The following PLS1 variants were observed in gnomAD, a reference collection of about 807,000 sequenced individuals.
PLS1 encodes the protein plastin-1.
PLS1 carries 32 observed loss-of-function variants against 73.7 expected under a neutral mutation model. The ratio of observed to expected loss-of-function variants is 0.43; its 90% CI spans 0.33 to 0.58. PLS1 has a LOEUF of 0.58. Ranked by LOEUF, PLS1 falls within the 20% of genes least tolerant of loss-of-function variation. PLS1 has a pLI of 0.04. For missense variants in PLS1, 633 were observed against 740.5 expected, an observed-to-expected ratio of 0.85 and a Z score of 1.68; for synonymous variants, 217 against 261.3, an observed-to-expected ratio of 0.83 and a Z score of 1.63.
rs1016617834 is a variant in PLS1 at position 142,703,892 on chromosome 3, G to C, written c.1396G>C (p.Glu466Gln). The change falls in exon 13 of 16, where the codon GAA (glutamate) becomes CAA (glutamine). Residue 466 changes from glutamate to glutamine, a missense_variant. Glu to Gln is a conservative substitution (Grantham distance 29). Transcript: ENST00000457734. ...GATTGAAAACTGTAACTATGCAGTG[G>C]AACTTGGGAAGAACAAGGCCAAATT... ...KKIENCNYAVELGKNKAKFSL... is the reference protein window; with the variant it reads ...KKIENCNYAVQLGKNKAKFSL... 1 of 1,610,516 alleles carries C rather than the reference G, an allele frequency of 6.2e-7. No homozygotes were observed. The highest frequency in any genetic ancestry group is 1.3e-5 in the African/African-American group (1 of 74,826).
intron 1 of PLS1, among the ~76,000 whole-genome samples, chr3:142,616,748 AC>A (rs1281953350): frequency 6.6e-6 from 1 of 151,912 alleles, no homozygotes; most frequent in Non-Finnish European, 1.5e-5. Context: ...GATTACAGGC[AC>A]CCGCCGTCAT....
At chr3:142,685,286 C>T (rs192644432) in intron 8 of PLS1, among the ~76,000 whole-genome samples, 17 of 152,288 alleles carry the variant, frequency 1.1e-4, no homozygotes, top group African/African-American at 2.6e-4. Context: ...TATGCCCAGG[C>T]GATGCAAAGA....
At chr3:142,661,793 A>G (rs371578343) in intron 1 of PLS1, among the ~76,000 whole-genome samples, 3 of 152,352 alleles carry the variant, frequency 2.0e-5, no homozygotes, top group East Asian at 1.9e-4. Flanking sequence ...GAGAAATACA[A>G]TATAATTCGT....
intron 10 of PLS1, among the ~76,000 whole-genome samples, chr3:142,691,589 A>G (rs2038087987): frequency 6.6e-6 from 1 of 152,192 alleles, no homozygotes; most frequent in East Asian, 1.9e-4. Context: ...CAGTGTGAAT[A>G]GGATTGCTAA....
intron 1 of PLS1, among the ~76,000 whole-genome samples, chr3:142,646,182 A>T (rs1364359388): frequency 1.3e-5 from 2 of 152,188 alleles, no homozygotes; most frequent in Non-Finnish European, 2.9e-5. Context: ...TACATGTAGT[A>T]CTTAGAACAG....
At chr3:142,699,101 G>C (rs2038272723) in intron 12 of PLS1, among the ~76,000 whole-genome samples, 1 of 152,128 alleles carries the variant, frequency 6.6e-6, no homozygotes, top group African/African-American at 2.4e-5. Flanking sequence ...GGACCTGTCA[G>C]GGGTTGGGGG....
At chr3:142,702,922 A>G (rs2038360532) in intron 12 of PLS1, among the ~76,000 whole-genome samples, 1 of 152,136 alleles carries the variant, frequency 6.6e-6, no homozygotes, top group Non-Finnish European at 1.5e-5. Context: ...AGAAGCTTAT[A>G]CTCTAGTTGT....
chr3:142,601,674 C>T (rs546753280), intron 1 of PLS1, among the ~76,000 whole-genome samples: 139 of 152,096 alleles, frequency 9.1e-4, no homozygotes, highest in African/African-American at 3.0e-3. Flanking sequence ...CCAACGTGCC[C>T]GGCTTATTAA....
At chr3:142,651,229 G>C (rs958234524) in intron 1 of PLS1, among the ~76,000 whole-genome samples, 1 of 151,948 alleles carries the variant, frequency 6.6e-6, no homozygotes, top group Non-Finnish European at 1.5e-5. Flanking sequence ...GGAGCCCGAG[G>C]CAGGTGGATC....
At chr3:142,640,557 T>A (rs2036808729) in intron 1 of PLS1, among the ~76,000 whole-genome samples, 1 of 152,154 alleles carries the variant, frequency 6.6e-6, no homozygotes, top group Non-Finnish European at 1.5e-5. Flanking sequence ...AGAGAAATGG[T>A]ATTTCATTGG....
At chr3:142,669,617 A>T (rs1254876436) in intron 3 of PLS1, 64 bp downstream of exon 3, 1 of 1,115,020 alleles carries the variant, frequency 9.0e-7, no homozygotes, top group East Asian at 2.6e-5. Context: ...TAGTAATGTC[A>T]TCACTAGCTT....
intron 12 of PLS1, chr3:142,698,418 T>C (rs980985254): frequency 2.5e-5 from 4 of 162,422 alleles, no homozygotes; most frequent in African/African-American, 1.0e-4. Context: ...CTAATACCTA[T>C]ACAGTGTTAT....
At chr3:142,657,997 T>C (rs2037279222) in intron 1 of PLS1, among the ~76,000 whole-genome samples, 1 of 152,194 alleles carries the variant, frequency 6.6e-6, no homozygotes, top group Non-Finnish European at 1.5e-5. Context: ...CCTTTATTAG[T>C]GGCTTGTGGC....
intron 6 of PLS1, among the ~76,000 whole-genome samples, chr3:142,679,672 T>C (rs1242269462): frequency 2.0e-5 from 3 of 151,652 alleles, no homozygotes; most frequent in Non-Finnish European, 3.0e-5. Flanking sequence ...TTTTGGTTAC[T>C]GCAGCCTTGT....
chr3:142,682,950 T>A (rs2037885872), intron 6 of PLS1, among the ~76,000 whole-genome samples: 1 of 152,254 alleles, frequency 6.6e-6, no homozygotes, highest in African/African-American at 2.4e-5. Context: ...AGGAGAACTA[T>A]ATTTAAATGA....
At chr3:142,708,942 CATAAG>C (rs1283999997) in intron 14 of PLS1, among the ~76,000 whole-genome samples, 1 of 152,090 alleles carries the variant, frequency 6.6e-6, no homozygotes, top group African/African-American at 2.4e-5. Context: ...CAAGGTAACT[CATAAG>C]AAAATGGGTG....
At chr3:142,708,310 G>A (rs1226265740) in intron 14 of PLS1, among the ~76,000 whole-genome samples, 2 of 152,070 alleles carry the variant, frequency 1.3e-5, no homozygotes, top group African/African-American at 4.8e-5. Flanking sequence ...GCAGTGGCGC[G>A]ATCTCAGCTC....
At chr3:142,700,200 A>C (rs1412758442) in intron 12 of PLS1, among the ~76,000 whole-genome samples, 4 of 152,206 alleles carry the variant, frequency 2.6e-5, no homozygotes, top group African/African-American at 9.6e-5. Context: ...ACAGTATCAC[A>C]GGGAATTATT....
Position 142,678,051 on chromosome 3 carries a change from G to T in PLS1, c.517G>T (p.Glu173Ter). Residue 173 changes from glutamate to a stop codon, truncating the protein, a stop_gained, in exon 6 of 16, where the codon GAA becomes TAA. Coordinates refer to ENST00000457734, the MANE Select transcript of PLS1 (RefSeq NM_001145319.2). LOFTEE classifies it high-confidence loss of function. ...ILLCKMINLS[E>*]PDTIDERAIN... ...CTTTAGCAAAATGATCAACTTATCT[G>T]AACCAGATACAATTGATGAAAGAGC... The T allele has an allele frequency of 6.5e-7, 1 of 1,531,978 alleles. No individual in the cohort carries two copies. The highest frequency in any genetic ancestry group is 1.2e-5 in the South Asian group (1 of 81,864). 94.9% of individuals were successfully genotyped at this position (1,531,978 alleles called of 1,614,324 possible).
Sources: gnomAD v4.1 joint callset for allele counts (sites outside exome capture counted in the v4.1 genomes callset) on GRCh38, gnomAD v4.1.1 for gene constraint, MANE v1.5 for transcripts, NCBI Gene and HGNC (gene_info 2026-07-23, HGNC 2026-07-21) for gene names.